The following PSD3 variants were observed in gnomAD, a reference collection of about 807,000 sequenced individuals.
PSD3 encodes the protein pleckstrin and Sec7 domain containing 3.
PSD3 carries 49 observed loss-of-function variants against 105.5 expected under a neutral mutation model. The ratio of observed to expected loss-of-function variants is 0.46; its 90% confidence interval spans 0.37 to 0.59. The LOEUF (loss-of-function observed/expected upper bound fraction) is 0.59, where lower values mean the gene tolerates loss of function less well. Among genes scored for constraint, PSD3 ranks in the 20% least tolerant of loss-of-function variants. The pLI is 0.00. For missense variants in PSD3, 1,561 were observed against 1,263.8 expected (o/e 1.24, Z -3.57); for synonymous variants, 557 against 457.8 (o/e 1.22, Z -2.77).
chr8:18,763,006 C>T (rs1297045172), intron 9 of PSD3: 1 of 941,194 alleles, frequency 1.1e-6, no homozygotes. Context: ...GTTTCAGCAT[C>T]TTCTCCAATC....
At chr8:18,851,307 C>T (rs1259080061) in intron 4 of PSD3, among the ~76,000 whole-genome samples, 2 of 152,216 alleles carry the variant, frequency 1.3e-5, no homozygotes, top group Admixed American at 1.3e-4. Flanking sequence ...TCTTCCAACT[C>T]CATATTCAGC....
At chr8:18,909,719 A>T (rs917116277) in intron 2 of PSD3, among the ~76,000 whole-genome samples, 3 of 152,146 alleles carry the variant, frequency 2.0e-5, no homozygotes, top group African/African-American at 7.2e-5. Context: ...CCTGACCTCA[A>T]GTGATCTGCC....
At chr8:18,728,550 T>C (rs1563204137) in intron 9 of PSD3, among the ~76,000 whole-genome samples, 1 of 151,984 alleles carries the variant, frequency 6.6e-6, no homozygotes, top group Non-Finnish European at 1.5e-5. Flanking sequence ...AGACAGAGTG[T>C]TTAGGAAAAG....
At chr8:18,899,155 G>A (rs1027756454) in intron 2 of PSD3, among the ~76,000 whole-genome samples, 21 of 152,086 alleles carry the variant, frequency 1.4e-4, no homozygotes, top group African/African-American at 4.6e-4. Flanking sequence ...CTCATCATCT[G>A]GCACTAATTT....
chr8:18,930,917 GTAC>G, intron 2 of PSD3, among the ~76,000 whole-genome samples: 1 of 152,280 alleles, frequency 6.6e-6, no homozygotes, highest in South Asian at 2.1e-4. Context: ...CCACCAGTGT[GTAC>G]GAGCTCAGTA....
chr8:19,064,735 T>G (rs1829020295), intron 1 of PSD3, among the ~76,000 whole-genome samples: 1 of 152,214 alleles, frequency 6.6e-6, no homozygotes, highest in African/African-American at 2.4e-5. Context: ...TTATTTGGTC[T>G]AAACATGAAA....
intron 4 of PSD3, among the ~76,000 whole-genome samples, chr8:18,812,323 T>A (rs1811767780): frequency 6.6e-6 from 1 of 152,194 alleles, no homozygotes; most frequent in South Asian, 2.1e-4. Flanking sequence ...GGGGAACGAC[T>A]TTGTTGTTTA....
chr8:18,754,575 A>G (rs1258770535), intron 9 of PSD3, among the ~76,000 whole-genome samples: 2 of 152,052 alleles, frequency 1.3e-5, no homozygotes, highest in East Asian at 1.9e-4. Context: ...AGATTATGAT[A>G]TGCCAGGGGG....
chr8:18,670,560 T>C (rs1006401028), intron 9 of PSD3, among the ~76,000 whole-genome samples: 3 of 152,126 alleles, frequency 2.0e-5, no homozygotes, highest in Non-Finnish European at 4.4e-5. Flanking sequence ...GCTGTTTTTC[T>C]AAATTATATG....
chr8:18,688,893 G>A (rs777596156), intron 9 of PSD3, among the ~76,000 whole-genome samples: 1 of 152,192 alleles, frequency 6.6e-6, no homozygotes, highest in Non-Finnish European at 1.5e-5. Flanking sequence ...CTGTTTAAAG[G>A]TACAAAATAA....
intron 9 of PSD3, among the ~76,000 whole-genome samples, chr8:18,704,706 T>C (rs895781357): frequency 6.6e-6 from 1 of 152,192 alleles, no homozygotes; most frequent in African/African-American, 2.4e-5. Context: ...ACTTCCTATC[T>C]AGTTCTATTG....
intron 1 of PSD3, among the ~76,000 whole-genome samples, chr8:18,952,100 C>T (rs1472902001): frequency 1.3e-5 from 2 of 152,120 alleles, no homozygotes; most frequent in Non-Finnish European, 2.9e-5. Flanking sequence ...TGGGTGGATG[C>T]CAGTCACCTT....
At chr8:18,737,021 T>C (rs1234469692) in intron 9 of PSD3, among the ~76,000 whole-genome samples, 2 of 152,218 alleles carry the variant, frequency 1.3e-5, no homozygotes, top group Non-Finnish European at 2.9e-5. Context: ...TATTAAAATG[T>C]GAAAAGGACT....
intron 1 of PSD3, among the ~76,000 whole-genome samples, chr8:19,008,183 G>A (rs1218293999): frequency 6.6e-6 from 1 of 152,206 alleles, no homozygotes. Context: ...ATCAGCGGGT[G>A]GGGAAGGTGG....
intron 1 of PSD3, among the ~76,000 whole-genome samples, chr8:18,958,907 G>A (rs1823738497): frequency 7.0e-6 from 1 of 143,488 alleles, no homozygotes; most frequent in African/African-American, 2.7e-5. Context: ...GGATACAGAG[G>A]AGTTAAGTGG....
At chr8:18,968,791 G>T (rs867639171) in intron 1 of PSD3, among the ~76,000 whole-genome samples, 2 of 148,436 alleles carry the variant, frequency 1.3e-5, no homozygotes, top group Non-Finnish European at 3.0e-5. Context: ...CAGAAGAATC[G>T]CTTGAACCCA....
intron 1 of PSD3, among the ~76,000 whole-genome samples, chr8:19,072,191 T>TC (rs1413046974): frequency 6.6e-6 from 1 of 151,240 alleles, no homozygotes; most frequent in Non-Finnish European, 1.5e-5. Context: ...AGCCTCCACC[T>TC]CCTGGGTTCA....
Position 18,867,984 on chromosome 8 carries a change from T to C in PSD3, c.1324A>G (p.Ser442Gly), listed in dbSNP as rs1817072559. Residue 442 changes from serine (S) to glycine (G), a missense_variant, in exon 4 of 16, where the codon AGC becomes GGC. Transcript: ENST00000327040. The part of the protein sequence containing the change: ...GYTEDSTDVY[S>G]SQFETILDNT... Reference sequence around the variant, plus strand: ...TCCAAAATGGTTTCAAACTGGGAGCTGTACACGTCGGTGGAGTCCTCCGTA... The same window carrying C: ...TCCAAAATGGTTTCAAACTGGGAGCCGTACACGTCGGTGGAGTCCTCCGTA... 6.2e-7 allele frequency: 1 copy of C among 1,614,082 alleles called. No individual in the cohort carries two copies.
chr8:18,580,032 G>C (rs1802706905), intron 12 of PSD3, among the ~76,000 whole-genome samples: 1 of 152,110 alleles, frequency 6.6e-6, no homozygotes, highest in Non-Finnish European at 1.5e-5. Context: ...TTAATTCATG[G>C]TTTTGAAACT....
Sources: gnomAD v4.1 joint callset for allele counts (sites outside exome capture counted in the v4.1 genomes callset) on GRCh38, gnomAD v4.1.1 for gene constraint, MANE v1.5 for transcripts, NCBI Gene and HGNC (gene_info 2026-07-23, HGNC 2026-07-21) for gene names.